Variants in DSCAM observed in about 807,000 individuals in gnomAD.
DSCAM encodes the protein cell adhesion molecule DSCAM.
A neutral mutation model predicts 217.7 loss-of-function variants in DSCAM; 47 were observed. The ratio of observed to expected loss-of-function variants is 0.22; its 90% confidence interval spans 0.17 to 0.28. The LOEUF is 0.28. DSCAM is among the 10% of genes least tolerant of loss of function. The pLI is 1.00. For synonymous variants in DSCAM, 1,056 were observed against 1,015.3 expected (o/e 1.04, Z -0.76); for missense variants, 2,080 against 2,618.3 (o/e 0.79, Z 4.49).
chr21:40,596,279 C>G (rs2146252887), intron 3 of DSCAM, among the ~76,000 whole-genome samples: 1 of 152,320 alleles, frequency 6.6e-6, no homozygotes, highest in South Asian at 2.1e-4. Context: ...CTCCAGCTTT[C>G]TGATACTTGC....
At chr21:40,145,934 GTGTT>G (rs2090350173) in intron 16 of DSCAM, among the ~76,000 whole-genome samples, 1 of 151,274 alleles carries the variant, frequency 6.6e-6, no homozygotes, top group Admixed American at 6.6e-5. Flanking sequence ...ACAGATATGT[GTGTT>G]TATGTGTATG....
chr21:40,059,774 T>C (rs1022841872), intron 28 of DSCAM, among the ~76,000 whole-genome samples: 3 of 152,210 alleles, frequency 2.0e-5, no homozygotes, highest in African/African-American at 7.2e-5. Context: ...TATGGCCACA[T>C]GGGGCCTAGA....
At position 40,805,566 on chromosome 21, in the gene DSCAM, C is replaced by T. The variant is rs954376610; in HGVS notation, c.43+41053G>A. On this transcript the variant is annotated intron_variant, in intron 1 of 32. Transcript: ENST00000400454. ...TTCCCCTTCCAGGTTCTGGGAATTACGCCATGACCCCTTGACCCCTCCAGG... is the reference window on the plus strand; with the variant it reads ...TTCCCCTTCCAGGTTCTGGGAATTATGCCATGACCCCTTGACCCCTCCAGG... Among the ~76,000 whole-genome samples the T allele has an allele frequency of 6.6e-5, 10 of 152,300 alleles. No individual in the cohort carries two copies. The South Asian group carries it at 8.3e-4, about 13-fold the overall frequency.
At chr21:40,735,179 T>G (rs756136360) in intron 1 of DSCAM, among the ~76,000 whole-genome samples, 1 of 152,218 alleles carries the variant, frequency 6.6e-6, no homozygotes, top group Non-Finnish European at 1.5e-5. Context: ...TGATTTAAAG[T>G]TCCAAATGGG....
intron 3 of DSCAM, among the ~76,000 whole-genome samples, chr21:40,577,219 ATTAT>A (rs2076858500): frequency 6.7e-6 from 1 of 148,456 alleles, no homozygotes; most frequent in Admixed American, 6.9e-5. Flanking sequence ...AAAATATAAA[ATTAT>A]TTACTCAAAA....
rs377578891 is a variant in DSCAM at position 40,739,113 on chromosome 21, C to T, written c.44-30342G>A. ...TAATGTGGTATTATTTGTACTGAGA[C>T]TAAAGGAGAGGATTATAGTCTTATC... On this transcript the variant is annotated intron_variant, in intron 1 of 32. Transcript: ENST00000400454. 3.3e-5 allele frequency among the ~76,000 whole-genome samples: 5 copies of T among 152,270 alleles called. No homozygotes were observed. In the East Asian group the frequency reaches 9.7e-4, roughly 29 times the overall value.
At chr21:40,808,583 C>T (rs2091809944) in intron 1 of DSCAM, among the ~76,000 whole-genome samples, 1 of 151,378 alleles carries the variant, frequency 6.6e-6, no homozygotes, top group African/African-American at 2.4e-5. Flanking sequence ...AAGTGTTCCT[C>T]TTGCTTCAGC....
chr21:40,265,559 T>C lies in DSCAM; in HGVS notation c.2356+10538A>G, dbSNP rs183454972. Among the ~76,000 whole-genome samples, 432 of 152,206 alleles carry C rather than the reference T, an allele frequency of 2.8e-3. 4 individuals are homozygous for C. Among genetic ancestry groups the C allele is most frequent in the Middle Eastern group, 0.027 (8 of 292 alleles). ...CAAAGAAATCCGAAGCAAAAAGATTTATTCTTAGAATCACATTACCCAACT... is the reference window on the plus strand; with the variant it reads ...CAAAGAAATCCGAAGCAAAAAGATTCATTCTTAGAATCACATTACCCAACT... On this transcript the variant is annotated intron_variant, in intron 11 of 32. Transcript: ENST00000400454.
At chr21:40,785,559 C>T (rs2091585616) in intron 1 of DSCAM, among the ~76,000 whole-genome samples, 1 of 152,232 alleles carries the variant, frequency 6.6e-6, no homozygotes, top group Non-Finnish European at 1.5e-5. Context: ...CTTTCGTATG[C>T]TGCCTAAATC....
At chr21:40,516,192 A>C (rs1362969053) in intron 3 of DSCAM, among the ~76,000 whole-genome samples, 1 of 152,138 alleles carries the variant, frequency 6.6e-6, no homozygotes, top group African/African-American at 2.4e-5. Flanking sequence ...TATTAAAATT[A>C]ATTTTTTTAA....
In DSCAM at chr21:40,657,986, G is replaced by A. The variant is rs1023898736; in HGVS notation, c.508+34824C>T. Among the ~76,000 whole-genome samples, 8 of 152,148 alleles carry A rather than the reference G, an allele frequency of 5.3e-5. No individual in the cohort carries two copies. The East Asian group carries it at 1.5e-3, about 29-fold the overall frequency. ...CTCCAATTCAGAAATGCTACTTTGT[G>A]GAAAGAAATTGGCCAGGTAAAGTTT... On this transcript the variant is annotated intron_variant, in intron 3 of 32. Coordinates refer to ENST00000400454, the MANE Select transcript of DSCAM (RefSeq NM_001389.5).
intron 3 of DSCAM, among the ~76,000 whole-genome samples, chr21:40,402,676 G>GT (rs112357046): frequency 0.056 from 7,797 of 138,164 alleles, 414 homozygotes; most frequent in Admixed American, 0.18. Flanking sequence ...TTTTTTATTT[G>GT]TTTTTTTTTT....
chr21:40,106,300 A>G (rs2089819863), intron 20 of DSCAM, among the ~76,000 whole-genome samples: 1 of 152,218 alleles, frequency 6.6e-6, no homozygotes, highest in Non-Finnish European at 1.5e-5. Flanking sequence ...GGTACAATTC[A>G]AGAAGAGATT....
intron 32 of DSCAM, among the ~76,000 whole-genome samples, chr21:40,027,602 C>T (rs2088417993): frequency 1.4e-5 from 1 of 70,792 alleles, no homozygotes; most frequent in African/African-American, 5.8e-5. Context: ...CTCTAAACTT[C>T]CCTTCTTGCT....
intron 3 of DSCAM, among the ~76,000 whole-genome samples, chr21:40,413,550 C>T (rs1016720846): frequency 2.6e-5 from 4 of 152,226 alleles, no homozygotes; most frequent in African/African-American, 9.6e-5. Flanking sequence ...CCAATTTCTC[C>T]TATTTCTCTT....
intron 3 of DSCAM, among the ~76,000 whole-genome samples, chr21:40,475,423 G>A (rs1327185381): frequency 2.6e-5 from 4 of 152,198 alleles, no homozygotes; most frequent in South Asian, 2.1e-4. Flanking sequence ...GGCCCCCTTC[G>A]TCATGATTGT....
intron 3 of DSCAM, among the ~76,000 whole-genome samples, chr21:40,458,661 T>C (rs1304640386): frequency 6.6e-6 from 1 of 152,142 alleles, no homozygotes. Flanking sequence ...AATTAGATTG[T>C]TGATTAAACA....
intron 6 of DSCAM, among the ~76,000 whole-genome samples, chr21:40,346,893 C>T (rs2074563522): frequency 6.6e-6 from 1 of 152,168 alleles, no homozygotes; most frequent in Non-Finnish European, 1.5e-5. Flanking sequence ...CTATTGCCCC[C>T]ACCCCACCCA....
chr21:40,449,729 C>G (rs1361744228), intron 3 of DSCAM, among the ~76,000 whole-genome samples: 1 of 152,110 alleles, frequency 6.6e-6, no homozygotes, highest in Non-Finnish European at 1.5e-5. Context: ...ATCAGAAGAG[C>G]TAACATCTAT....
Sources: gnomAD v4.1 joint callset for allele counts (sites outside exome capture counted in the v4.1 genomes callset) on GRCh38, gnomAD v4.1.1 for gene constraint, MANE v1.5 for transcripts, NCBI Gene and HGNC (gene_info 2026-07-23, HGNC 2026-07-21) for gene names.